Variants in DNAH1 observed in about 807,000 individuals in gnomAD.
The protein encoded by DNAH1 is axonemal beta dynein heavy chain 1.
DNAH1 carries 327 observed loss-of-function variants against 484.3 expected under a neutral mutation model. That is an observed-to-expected ratio of 0.68 (90% CI 0.62 to 0.74). The LOEUF is 0.74. DNAH1 is among the 30% of genes least tolerant of loss of function. DNAH1 has a pLI of 0.00. For missense variants in DNAH1, 5,052 were observed against 5,546.8 expected, an observed-to-expected ratio of 0.91 and a Z score of 2.83; for synonymous variants, 2,192 against 2,191.9, an observed-to-expected ratio of 1.00 and a Z score of 0.00.
Position 52,366,896 on chromosome 3 carries a change from C to A in DNAH1, c.5765+9C>A, listed in dbSNP as rs569125587. The A allele has an allele frequency of 3.1e-6, 5 of 1,599,336 alleles. No homozygotes were observed. Among genetic ancestry groups the A allele is most frequent in the East Asian group, 2.2e-5 (1 of 44,532 alleles). On this transcript the variant is annotated intron_variant, in intron 36 of 77. Transcript: ENST00000420323. ...CTCCTCACCCATGAGTGGTGAGTGA[C>A]CCCCCAGCCTCACCGGTGACCCCCT...
In DNAH1 at chr3:52,375,930, C is replaced by T. The variant is rs779193578; in HGVS notation, c.7160-25C>T. ...CAAGAGGTCCACCTAACCCTGAGCC[C>T]CGTGTTTCTCCCTCCATCCTCTAGA... is the stretch of plus-strand genomic sequence containing the variant. On this transcript the variant is annotated intron_variant, in intron 45 of 77. Transcript: ENST00000420323. 4 of 1,611,082 alleles carry T rather than the reference C, an allele frequency of 2.5e-6. No individual in the cohort carries two copies. The East Asian group carries it at 9.0e-5, about 36-fold the overall frequency.
chr3:52,400,406 T>A lies in DNAH1; in HGVS notation c.12758T>A (p.Ile4253Lys). The change falls in exon 78 of 78, where the codon ATA (isoleucine) becomes AAA (lysine). Residue 4253 changes from isoleucine to lysine, a missense_variant. This residue lies in a region of DNAH1 where 853 missense variants were observed against 899.0 expected (regional missense o/e 0.95). Coordinates refer to ENST00000420323, the MANE Select transcript of DNAH1 (RefSeq NM_015512.5). ...ACCCATCAGCCCCAGCGACACTGGATAAAGCGTGGTGTGGCCCTCATCTGT... is the reference window on the plus strand; with the variant it reads ...ACCCATCAGCCCCAGCGACACTGGAAAAAGCGTGGTGTGGCCCTCATCTGT... ...IPTHQPQRHW[I>K]KRGVALICAL... 6.2e-7 allele frequency: 1 copy of A among 1,614,054 alleles called. No individual in the cohort carries two copies. The highest frequency in any genetic ancestry group is 8.5e-7 in the Non-Finnish European group (1 of 1,179,894).
chr3:52,376,105 A>C, intron 46 of DNAH1, 112 bp downstream of exon 46: 1 of 1,368,012 alleles, frequency 7.3e-7, no homozygotes, highest in Non-Finnish European at 1.0e-6. Context: ...CCTCAGGTTC[A>C]TGCAGGGACC....
At position 52,379,970 on chromosome 3, in the gene DNAH1, G is replaced by T; in HGVS notation, c.7443G>T (p.Val2481=). 6.3e-7 allele frequency: 1 copy of T among 1,585,710 alleles called. No individual in the cohort carries two copies. Among genetic ancestry groups the T allele is most frequent in the Non-Finnish European group, 8.6e-7 (1 of 1,166,324 alleles). Residue 2481 remains valine, a synonymous_variant, in exon 48 of 78, where the codon GTG becomes GTT. Coordinates refer to ENST00000420323, the MANE Select transcript of DNAH1 (RefSeq NM_015512.5). This position sits in a 1 kb window ranked among gnomAD's most constrained non-coding sequence, Gnocchi z 4.4. ...GCCGCGTGTTCCGGGACCGACTGGT[G>T]AATGAGGAGGACCGCAGCTGGTTCG... is the stretch of plus-strand genomic sequence containing the variant. The part of the protein sequence containing the change: ...ENCRVFRDRL[V]NEEDRSWFDQ...
At chr3:52,363,661 G>A (rs994255807) in intron 32 of DNAH1, among the ~76,000 whole-genome samples, 6 of 152,182 alleles carry the variant, frequency 3.9e-5, no homozygotes, top group Non-Finnish European at 5.9e-5. Flanking sequence ...CCACTTTGCA[G>A]CAGCAGAGAC....
intron 41 of DNAH1, 61 bp from the exon 42 acceptor site, chr3:52,371,885 G>A (rs1406237720): frequency 1.5e-5 from 24 of 1,586,376 alleles, no homozygotes; most frequent in South Asian, 2.3e-5. Context: ...CCATGGGGCC[G>A]CAGCCAGGAG....
At position 52,323,878 on chromosome 3, in the gene DNAH1, G is replaced by A; in HGVS notation, c.404G>A (p.Arg135Lys). 2 of 1,573,078 alleles carry A rather than the reference G, an allele frequency of 1.3e-6. No individual in the cohort carries two copies. Among genetic ancestry groups the A allele is most frequent in the Non-Finnish European group, 1.7e-6 (2 of 1,158,994 alleles). ...GCTGACCTTGACAAGTTCACCCCAAGAGGTCAGTGCTCAGGAGGGCTGTGT... is the reference window on the plus strand; with the variant it reads ...GCTGACCTTGACAAGTTCACCCCAAAAGGTCAGTGCTCAGGAGGGCTGTGT... ...RQADLDKFTP[R>K]VGSFEVPEDF... Residue 135 changes from arginine (R) to lysine (K), a missense_variant and splice_region_variant, in exon 3 of 78, where the codon AGA (arginine) becomes AAA (lysine). Coordinates refer to ENST00000420323, the MANE Select transcript of DNAH1 (RefSeq NM_015512.5).
At chr3:52,367,611 G>A (rs536389746) in intron 36 of DNAH1, among the ~76,000 whole-genome samples, 9 of 150,144 alleles carry the variant, frequency 6.0e-5, no homozygotes, top group African/African-American at 2.2e-4. Flanking sequence ...TTTCGCTCTT[G>A]TTGCCCAGGC....
chr3:52,370,265 C>G, intron 39 of DNAH1, 36 bp downstream of exon 39: 2 of 1,605,040 alleles, frequency 1.2e-6, no homozygotes, highest in Non-Finnish European at 1.7e-6. Context: ...TGCACCTGGT[C>G]CCTCTCCCCA....
intron 76 of DNAH1, 76 bp downstream of exon 76, chr3:52,399,277 T>A (rs887458013): frequency 2.1e-6 from 3 of 1,448,712 alleles, no homozygotes; most frequent in Non-Finnish European, 2.8e-6. Context: ...GAGGCCACGG[T>A]TGGTTGGCAG....
chr3:52,366,643 G>A (rs925333935), intron 35 of DNAH1, 90 bp from the exon 36 acceptor site: 49 of 1,554,756 alleles, frequency 3.2e-5, no homozygotes, highest in Non-Finnish European at 4.1e-5. Flanking sequence ...GTGCCCCTTG[G>A]CATAGAATAC....
Position 52,361,181 on chromosome 3 carries a change from C to G in DNAH1, c.4703C>G (p.Thr1568Ser). 6.2e-7 allele frequency: 1 copy of G among 1,610,104 alleles called. No homozygotes were observed. The highest frequency in any genetic ancestry group is 1.7e-4 in the Middle Eastern group (1 of 6,042). Residue 1568 changes from threonine to serine, a missense_variant, in exon 29 of 78, where the codon ACC (threonine) becomes AGC (serine). Transcript: ENST00000420323. This position sits in a 1 kb window ranked among gnomAD's most constrained non-coding sequence, Gnocchi z 5.6. ...PLTDRCYLTL[T>S]GALHLKFGGA... ...TCCTGCAGGTGCTACCTGACACTGACCGGAGCTCTGCACCTCAAGTTTGGG... is the reference window on the plus strand; with the variant it reads ...TCCTGCAGGTGCTACCTGACACTGAGCGGAGCTCTGCACCTCAAGTTTGGG...
Position 52,358,528 on chromosome 3 carries a change from A to G in DNAH1, c.4087-30A>G. ...CAGGGCATCTGGGCACACCAGGGTG[A>G]CCCCACTCCTGCTCCTCCACTGCTT... On this transcript the variant is annotated intron_variant, in intron 24 of 77. Transcript: ENST00000420323. This position sits in a 1 kb window ranked among gnomAD's most constrained non-coding sequence, Gnocchi z 4.2. 1 of 1,574,828 alleles carries G rather than the reference A, an allele frequency of 6.3e-7. No homozygotes were observed. The highest frequency in any genetic ancestry group is 1.2e-5 in the South Asian group (1 of 86,364).
At chr3:52,398,775 G>A in intron 75 of DNAH1, 75 bp from the exon 76 acceptor site, 1 of 1,278,724 alleles carries the variant, frequency 7.8e-7, no homozygotes, top group Non-Finnish European at 1.1e-6. Flanking sequence ...TCACTCTGTG[G>A]CCTTGAGCTG....
In DNAH1 at chr3:52,361,673, G is replaced by T. The variant is rs1178964672; in HGVS notation, c.4887G>T (p.Trp1629Cys). 1 of 1,606,620 alleles carries T rather than the reference G, an allele frequency of 6.2e-7. No homozygotes were observed. Among genetic ancestry groups the T allele is most frequent in the African/African-American group, 1.3e-5 (1 of 74,772 alleles). Residue 1629 changes from tryptophan to cysteine, a missense_variant, in exon 30 of 78, where the codon TGG (tryptophan) becomes TGT (cysteine). Trp to Cys is a radical substitution (Grantham distance 215, BLOSUM62 -2). Around this residue, in one of 4 missense-constraint regions of DNAH1, gnomAD observed 2,929 missense variants for 3,409.4 expected, o/e 0.86. Transcript: ENST00000420323. This position sits in a 1 kb window ranked among gnomAD's most constrained non-coding sequence, Gnocchi z 5.6. ...FFKGLASAGA[W>C]ACFDEFNRID... The stretch of plus-strand genomic sequence containing the variant: ...CGGCCTCACTCAGTGCTGGGGCCTG[G>T]GCCTGCTTCGACGAGTTCAATCGCA...
chr3:52,320,884 T>C (rs535595060), intron 1 of DNAH1, among the ~76,000 whole-genome samples: 3 of 145,526 alleles, frequency 2.1e-5, no homozygotes, highest in South Asian at 2.3e-4. Context: ...CCTTGCAACC[T>C]CTGTCTCCCG....
At position 52,393,461 on chromosome 3, in the gene DNAH1, G is replaced by A. The variant is rs763222753; in HGVS notation, c.10602G>A (p.Met3534Ile). ...MFAFLLCVRI[M>I]MNEGKINQSE... ...CCTTCCTGCTGTGTGTTCGCATCAT[G>A]ATGAACGAGGGCAAAATCAACCAGG... Residue 3534 changes from methionine to isoleucine, a missense_variant, in exon 66 of 78, where the codon ATG (methionine) becomes ATA (isoleucine). Coordinates refer to ENST00000420323, the MANE Select transcript of DNAH1 (RefSeq NM_015512.5). 1 of 1,614,036 alleles carries A rather than the reference G, an allele frequency of 6.2e-7. No individual in the cohort carries two copies.
Position 52,370,543 on chromosome 3 carries a change from T to G in DNAH1, c.6325T>G (p.Phe2109Val). ...IVELIEPWFI[F>V]SLIWSVGATG... is the part of the protein sequence containing the mutation. The stretch of plus-strand genomic sequence containing the variant: ...AGAGTTGATCGAGCCCTGGTTCATC[T>G]TCTCCCTGATCTGGAGCGTGGGTGC... The change falls in exon 40 of 78, where the codon TTC becomes GTC. Residue 2109 changes from phenylalanine (F) to valine (V), a missense_variant. This residue lies in a region of DNAH1 where 2,929 missense variants were observed against 3,409.4 expected (regional missense o/e 0.86). Coordinates refer to ENST00000420323, the MANE Select transcript of DNAH1 (RefSeq NM_015512.5). The G allele has an allele frequency of 6.2e-7, 1 of 1,613,990 alleles. No individual in the cohort carries two copies. Among genetic ancestry groups the G allele is most frequent in the Non-Finnish European group, 8.5e-7 (1 of 1,179,882 alleles).
At chr3:52,391,697 C>CT in intron 63 of DNAH1, 94 bp downstream of exon 63, 1 of 1,441,846 alleles carries the variant, frequency 6.9e-7, no homozygotes, top group Admixed American at 1.8e-5. Context: ...GTCAGTGGGA[C>CT]TTTCCCCCAC....
Sources: allele counts gnomAD v4.1 joint callset (sites outside exome capture counted in the v4.1 genomes callset), GRCh38; gene constraint gnomAD v4.1.1; regional missense constraint gnomAD v4.1.1; non-coding constraint Gnocchi (gnomAD v3.1); transcripts MANE v1.5; gene names NCBI Gene and HGNC (gene_info 2026-07-23, HGNC 2026-07-21).